The following TAF1 variants were observed in gnomAD, a reference collection of about 807,000 sequenced individuals.
TAF1 encodes the protein TATA-box binding protein associated factor 1.
In TAF1, 2 loss-of-function variants were observed where a neutral mutation model predicts 138.5. The observed-to-expected ratio is 0.01, with a 90% CI of 0.01 to 0.05. The LOEUF is 0.05. Among genes scored for constraint, TAF1 ranks in the 10% least tolerant of loss-of-function variants. The pLI, the probability that TAF1 is intolerant of heterozygous loss-of-function variation, is 1.00. For synonymous variants in TAF1, 437 were observed against 503.2 expected (o/e 0.87, Z 1.76); for missense variants, 709 against 1,478.0 (o/e 0.48, Z 8.53).
At position 71,397,273 on chromosome X, in the gene TAF1, G is replaced by A. The variant is rs774878640; in HGVS notation, c.3427G>A (p.Gly1143Arg). ...TGCAGCAGCAGGCTCAGCAGCATCC[G>A]GAAACAATCACAGAGATGATGACAC... ...MLLAAGSAAS[G>R]NNHRDDDTAS... Residue 1143 changes from glycine (G) to arginine (R), a missense_variant, in exon 23 of 38, where the codon GGA becomes AGA. Transcript: ENST00000423759. 7 of 1,208,610 alleles carry A rather than the reference G, an allele frequency of 5.8e-6. No individual in the cohort carries two copies. Among genetic ancestry groups the A allele is most frequent in the Non-Finnish European group, 7.8e-6 (7 of 894,955 alleles).
At chrX:71,502,913 A>G (rs952732192) in intron 13 of TAF1, among the ~76,000 whole-genome samples, 2 of 110,246 alleles carry the variant, frequency 1.8e-5, no homozygotes, top group Non-Finnish European at 3.8e-5. Flanking sequence ...ACTCCAGCCT[A>G]GCAACGGAGT....
chrX:71,510,973 C>T (rs2039720555), intron 13 of TAF1, among the ~76,000 whole-genome samples: 1 of 111,217 alleles, frequency 9.0e-6, no homozygotes, highest in African/African-American at 3.3e-5. Flanking sequence ...CGTGGTGGCG[C>T]ATGCCTGTAA....
At chrX:71,451,912 A>G (rs1172844840) in intron 32 of TAF1, among the ~76,000 whole-genome samples, 4 of 112,638 alleles carry the variant, frequency 3.6e-5, no homozygotes, top group East Asian at 2.8e-4. Context: ...CGATTTCTCA[A>G]TCTTTTCCCC....
At chrX:71,377,455 T>A in intron 5 of TAF1, 148 bp from the exon 6 acceptor site, 1 of 824,306 alleles carries the variant, frequency 1.2e-6, no homozygotes, top group Non-Finnish European at 1.7e-6. Context: ...CTTCTTTACT[T>A]TCTTAGACGT....
At chrX:71,409,167 A>C (rs2035638258) in intron 28 of TAF1, among the ~76,000 whole-genome samples, 1 of 111,384 alleles carries the variant, frequency 9.0e-6, no homozygotes, top group Non-Finnish European at 1.9e-5. Context: ...AAAAGCTGAG[A>C]AGACAAAGAG....
Position 71,465,070 on chromosome X carries a change from C to T in TAF1, c.*1024C>T, listed in dbSNP as rs1214219479. 2 of 103,919 alleles carry T rather than the reference C, an allele frequency of 1.9e-5. No homozygotes were observed. Among genetic ancestry groups the T allele is most frequent in the Non-Finnish European group, 3.9e-5 (2 of 51,409 alleles). The allele number at this position is 103,919 out of a possible 1,213,427, so 8.6% of individuals were successfully genotyped here. On this transcript the variant is annotated 3_prime_UTR_variant, in exon 38 of 38. Coordinates refer to ENST00000423759, the MANE Select transcript of TAF1 (RefSeq NM_004606.5). ...TTCATGCTTAGGATATGGTTCTGTG[C>T]ATAGTAGGTACTCAGTAAATGTTCC...
intron 28 of TAF1, among the ~76,000 whole-genome samples, chrX:71,416,412 G>A (rs1302848680): frequency 9.2e-6 from 1 of 108,258 alleles, no homozygotes; most frequent in Non-Finnish European, 1.9e-5. Context: ...AAGAAGAAAC[G>A]TGGCTTTCAG....
intron 14 of TAF1, chrX:71,528,807 A>C (rs1438933241): frequency 7.4e-6 from 2 of 268,865 alleles, no homozygotes; most frequent in Middle Eastern, 1.3e-3. Context: ...CAAAAGAACA[A>C]AGCTTCCATA....
intron 3 of TAF1, among the ~76,000 whole-genome samples, chrX:71,372,741 A>T (rs2033164944): frequency 8.9e-6 from 1 of 111,912 alleles, no homozygotes; most frequent in African/African-American, 3.2e-5. Context: ...GTCACTTAAA[A>T]TTCAGTCTCT....
exon 15 of TAF1, chrX:71,529,734 A>C (rs752267406): frequency 7.9e-5 from 26 of 330,049 alleles, no homozygotes; most frequent in Non-Finnish European, 1.4e-4. Flanking sequence ...AGATAGTGAA[A>C]ATCCGTGCCA....
At position 71,398,693 on chromosome X, in the gene TAF1, C is replaced by A. The variant is rs1364555282; in HGVS notation, c.3742C>A (p.Pro1248Thr). Residue 1248 changes from proline to threonine, a missense_variant, in exon 24 of 38, where the codon CCT becomes ACT. By Grantham distance (38) the Pro-to-Thr change is conservative. Coordinates refer to ENST00000423759, the MANE Select transcript of TAF1 (RefSeq NM_004606.5). ...NQEKEKLKGP[P>T]EKKPKKMKER... Reference sequence around the variant, plus strand: ...GGAAAAGGAGAAGCTTAAGGGTCCTCCTGAGAAGAAGCCCAAGAAAATGAA... The same window carrying A: ...GGAAAAGGAGAAGCTTAAGGGTCCTACTGAGAAGAAGCCCAAGAAAATGAA... 3.3e-6 allele frequency: 4 copies of A among 1,207,476 alleles called. No individual in the cohort carries two copies. The highest frequency in any genetic ancestry group is 4.5e-6 in the Non-Finnish European group (4 of 894,683).
chrX:71,424,414 C>CTTTT (rs140301261), intron 32 of TAF1, among the ~76,000 whole-genome samples, 176 bp downstream of exon 32: 1 of 29,933 alleles, frequency 3.3e-5, no homozygotes, highest in Non-Finnish European at 5.5e-5. Flanking sequence ...GTGCCAGGCT[C>CTTTT]TTTTTTTTTT....
chrX:71,452,082 C>T (rs1425818276), intron 32 of TAF1, among the ~76,000 whole-genome samples: 29 of 102,412 alleles, frequency 2.8e-4, no homozygotes, highest in African/African-American at 9.4e-4. Context: ...ACCTCCCGGA[C>T]GGGGCGGCTG....
At chrX:71,397,210 A>G in intron 22 of TAF1, 43 bp from the exon 23 acceptor site, 1 of 1,161,769 alleles carries the variant, frequency 8.6e-7, no homozygotes, top group Non-Finnish European at 1.2e-6. Flanking sequence ...ATCATTTGGG[A>G]GATAAGGGGA....
intron 14 of TAF1, among the ~76,000 whole-genome samples, chrX:71,528,892 C>T (rs775774447): frequency 1.3e-4 from 15 of 111,584 alleles, no homozygotes; most frequent in Non-Finnish European, 2.4e-4. Flanking sequence ...TTGTCCCCGC[C>T]CACATCCTGC....
At chrX:71,406,565 A>T in intron 25 of TAF1, 73 bp from the exon 26 acceptor site, 1 of 1,044,592 alleles carries the variant, frequency 9.6e-7, no homozygotes, top group Non-Finnish European at 1.3e-6. Context: ...ACTTTTTTTT[A>T]ATTATAGTTG....
intron 32 of TAF1, among the ~76,000 whole-genome samples, chrX:71,453,896 A>G (rs780018987): frequency 8.9e-6 from 1 of 111,754 alleles, no homozygotes; most frequent in East Asian, 2.8e-4. Context: ...CTTCAAAACA[A>G]TTTGAGAAGA....
At chrX:71,430,238 G>A (rs976017608) in intron 32 of TAF1, among the ~76,000 whole-genome samples, 7 of 110,053 alleles carry the variant, frequency 6.4e-5, no homozygotes, top group African/African-American at 2.0e-4. Flanking sequence ...AAAATTAGCC[G>A]GGCGTGGTGG....
Position 71,454,872 on chromosome X carries a change from T to C in TAF1, c.4938+15T>C, listed in dbSNP as rs757207163. 11 of 1,202,145 alleles carry C rather than the reference T, an allele frequency of 9.2e-6. No homozygotes were observed. The highest frequency in any genetic ancestry group is 7.9e-6 in the Non-Finnish European group (7 of 889,037). ...ACACGCCTCAGGTGAGTCTGAGGACTAAGTACTTCCTCATATAGTTTTCTT... is the reference window on the plus strand; with the variant it reads ...ACACGCCTCAGGTGAGTCTGAGGACCAAGTACTTCCTCATATAGTTTTCTT... On this transcript the variant is annotated intron_variant, in intron 34 of 37. Coordinates refer to ENST00000423759, the MANE Select transcript of TAF1 (RefSeq NM_004606.5).
Sources: allele counts gnomAD v4.1 joint callset (sites outside exome capture counted in the v4.1 genomes callset), GRCh38; gene constraint gnomAD v4.1.1; transcripts MANE v1.5; gene names NCBI Gene and HGNC (gene_info 2026-07-23, HGNC 2026-07-21).